The following CTNND2 variants were observed in gnomAD, a reference collection of about 807,000 sequenced individuals.
CTNND2 encodes the protein catenin delta 2.
CTNND2 carries 22 observed loss-of-function variants against 144.4 expected under a neutral mutation model. The observed-to-expected ratio is 0.15, with a 90% confidence interval of 0.11 to 0.22. The LOEUF is 0.22. Ranked by LOEUF, CTNND2 falls within the 10% of genes least tolerant of loss-of-function variation. The probability of loss-of-function intolerance (pLI) is 1.00; values close to 1 mark genes in which losing one functional copy is unlikely to be tolerated. For synonymous variants in CTNND2, 751 were observed against 695.6 expected (o/e 1.08, Z -1.25); for missense variants, 1,353 against 1,618.8 (o/e 0.84, Z 2.82).
intron 3 of CTNND2, among the ~76,000 whole-genome samples, chr5:11,519,053 A>G (rs1337194102): frequency 1.0e-4 from 9 of 89,090 alleles, no homozygotes; most frequent in Admixed American, 7.7e-4. Flanking sequence ...GGAGGAAAAA[A>G]TGGAAAAAAA....
chr5:11,155,682 C>G (rs1990006), intron 12 of CTNND2, among the ~76,000 whole-genome samples: 58,870 of 151,868 alleles, frequency 0.39, 12,710 homozygotes, highest in Admixed American at 0.51. Context: ...CTGCCATCAT[C>G]CTTATCAACT....
At chr5:11,106,707 G>A (rs1267206214) in intron 14 of CTNND2, among the ~76,000 whole-genome samples, 1 of 152,156 alleles carries the variant, frequency 6.6e-6, no homozygotes, top group Non-Finnish European at 1.5e-5. Flanking sequence ...CCCTGAATGG[G>A]CCACTACATG....
At chr5:11,742,167 C>G (rs1788054794) in intron 1 of CTNND2, among the ~76,000 whole-genome samples, 1 of 152,040 alleles carries the variant, frequency 6.6e-6, no homozygotes, top group South Asian at 2.1e-4. Flanking sequence ...ACTTATGTAA[C>G]CAACCACCAC....
intron 1 of CTNND2, among the ~76,000 whole-genome samples, chr5:11,816,329 G>A (rs1792653851): frequency 6.6e-6 from 1 of 151,986 alleles, no homozygotes; most frequent in South Asian, 2.1e-4. Flanking sequence ...TGTCCCCAAG[G>A]GCTACCTGCT....
chr5:11,552,267 T>TA (rs1775826414), intron 3 of CTNND2, among the ~76,000 whole-genome samples: 1 of 152,228 alleles, frequency 6.6e-6, no homozygotes, highest in Non-Finnish European at 1.5e-5. Flanking sequence ...TCCAGTTCCT[T>TA]AGCTTTAGCT....
At chr5:11,706,813 C>T (rs948918272) in intron 2 of CTNND2, among the ~76,000 whole-genome samples, 3 of 151,898 alleles carry the variant, frequency 2.0e-5, no homozygotes, top group Admixed American at 6.6e-5. Context: ...AAGGCCAGCG[C>T]GGTGGCTCAG....
At chr5:11,314,768 G>A (rs1265243089) in intron 9 of CTNND2, among the ~76,000 whole-genome samples, 1 of 152,144 alleles carries the variant, frequency 6.6e-6, no homozygotes, top group Non-Finnish European at 1.5e-5. Context: ...AATGAGCTCT[G>A]ACTCCTGGCT....
intron 6 of CTNND2, among the ~76,000 whole-genome samples, chr5:11,389,223 C>G (rs1385702062): frequency 6.6e-6 from 1 of 152,130 alleles, no homozygotes; most frequent in Non-Finnish European, 1.5e-5. Context: ...AAATGAGGAA[C>G]CCATTTACGA....
intron 3 of CTNND2, among the ~76,000 whole-genome samples, chr5:11,499,115 AT>A (rs759636060): frequency 5.9e-5 from 9 of 152,212 alleles, no homozygotes; most frequent in Non-Finnish European, 1.2e-4. Context: ...GAACTCCTGT[AT>A]TCTACTATAT....
At position 11,189,027 on chromosome 5, in the gene CTNND2, A is replaced by G. The variant is rs61751816; in HGVS notation, c.1975+10421T>C. Among the ~76,000 whole-genome samples the G allele has an allele frequency of 5.6e-4, 85 of 152,306 alleles. No homozygotes were observed. The East Asian group carries it at 0.012, about 22-fold the overall frequency. ...TTGTCTGTCTTGTCCACTACGACAC[A>G]AGCGTTAGGAGGGCAGGTCTACGAG... On this transcript the variant is annotated intron_variant, in intron 11 of 21. Transcript: ENST00000304623.
At chr5:11,586,881 C>T (rs1363810538) in intron 2 of CTNND2, among the ~76,000 whole-genome samples, 1 of 151,718 alleles carries the variant, frequency 6.6e-6, no homozygotes, top group Non-Finnish European at 1.5e-5. Flanking sequence ...TTTAAAATGC[C>T]ACCTAAAGGG....
chr5:11,682,256 G>A (rs1300514262), intron 2 of CTNND2, among the ~76,000 whole-genome samples: 1 of 152,144 alleles, frequency 6.6e-6, no homozygotes, highest in Non-Finnish European at 1.5e-5. Context: ...CTGAAGCCTT[G>A]GGCATTTCTA....
intron 9 of CTNND2, among the ~76,000 whole-genome samples, chr5:11,243,695 T>C (rs1742687589): frequency 6.6e-6 from 1 of 152,210 alleles, no homozygotes; most frequent in Admixed American, 6.5e-5. Context: ...ATCTGAGTTG[T>C]TAAAATCAAA....
chr5:11,363,891 G>A (rs1469294415), intron 8 of CTNND2, among the ~76,000 whole-genome samples: 1 of 152,174 alleles, frequency 6.6e-6, no homozygotes. Context: ...GAAAGAAGGA[G>A]AGAGCTGTAC....
At chr5:11,365,712 G>A (rs1756914047) in intron 7 of CTNND2, among the ~76,000 whole-genome samples, 1 of 152,224 alleles carries the variant, frequency 6.6e-6, no homozygotes, top group African/African-American at 2.4e-5. Flanking sequence ...TGTACATCAG[G>A]AAATAAGACT....
intron 2 of CTNND2, among the ~76,000 whole-genome samples, chr5:11,620,549 T>C (rs1438947510): frequency 6.6e-6 from 1 of 152,194 alleles, no homozygotes; most frequent in Non-Finnish European, 1.5e-5. Flanking sequence ...CTCTGCCTCC[T>C]GACTGGCCCA....
intron 3 of CTNND2, among the ~76,000 whole-genome samples, chr5:11,478,444 G>C (rs780213365): frequency 7.2e-5 from 11 of 152,168 alleles, no homozygotes; most frequent in African/African-American, 2.7e-4. Flanking sequence ...CTGGCAGTGT[G>C]GCTCTTAGAA....
intron 5 of CTNND2, among the ~76,000 whole-genome samples, chr5:11,408,283 TTTTTA>T (rs1761249254): frequency 6.6e-6 from 1 of 152,162 alleles, no homozygotes; most frequent in Non-Finnish European, 1.5e-5. Flanking sequence ...GCAATTTAGA[TTTTTA>T]TTTTATGATC....
chr5:11,671,279 T>C (rs939247476), intron 2 of CTNND2, among the ~76,000 whole-genome samples: 2 of 152,140 alleles, frequency 1.3e-5, no homozygotes, highest in East Asian at 1.9e-4. Flanking sequence ...TTGAGGAACA[T>C]CTTTGTGGTG....
Sources: allele counts gnomAD v4.1 joint callset (sites outside exome capture counted in the v4.1 genomes callset), GRCh38; gene constraint gnomAD v4.1.1; transcripts MANE v1.5; gene names NCBI Gene and HGNC (gene_info 2026-07-23, HGNC 2026-07-21).